The following RAI1 variants were observed in gnomAD, a reference collection of about 807,000 sequenced individuals.
RAI1 encodes retinoic acid induced 1.
Under a neutral mutation model 123.8 loss-of-function variants are expected in RAI1, and 9 were observed. The observed-to-expected ratio is 0.07, with a 90% CI of 0.04 to 0.13. The LOEUF is 0.13. Ranked by LOEUF, RAI1 falls within the 10% of genes least tolerant of loss-of-function variation. The probability of loss-of-function intolerance (pLI) is 1.00; values close to 1 mark genes in which losing one functional copy is unlikely to be tolerated. For missense variants in RAI1, 2,256 were observed against 2,545.8 expected, an observed-to-expected ratio of 0.89 and a Z score of 2.45; for synonymous variants, 1,231 against 1,127.3, an observed-to-expected ratio of 1.09 and a Z score of -1.84.
At chr17:17,694,925 C>G (rs1013492512) in intron 1 of RAI1, among the ~76,000 whole-genome samples, 1 of 152,022 alleles carries the variant, frequency 6.6e-6, no homozygotes, top group Non-Finnish European at 1.5e-5. Flanking sequence ...CCGGCGCTTG[C>G]GGGTTACCGG....
chr17:17,799,898 C>T lies in RAI1; in HGVS notation c.5565+1385C>T, dbSNP rs918409275. Reference sequence around the variant, plus strand: ...GCATTGCCTGGCCAAACCAAGGTCCCGGTGGGGGCCCACTGTGTTTGCCAC... The same window carrying T: ...GCATTGCCTGGCCAAACCAAGGTCCTGGTGGGGGCCCACTGTGTTTGCCAC... On this transcript the variant is annotated intron_variant, in intron 3 of 5. Transcript: ENST00000353383. This position sits in a 1 kb window ranked among gnomAD's most constrained non-coding sequence, Gnocchi z 4.5. Among the ~76,000 whole-genome samples the T allele has an allele frequency of 2.0e-5, 3 of 152,232 alleles. No individual in the cohort carries two copies. Among genetic ancestry groups the T allele is most frequent in the Admixed American group, 6.5e-5 (1 of 15,290 alleles).
rs554678182 is a variant in RAI1 at position 17,779,005 on chromosome 17, A to T, written c.-16-13928A>T. 1.9e-3 allele frequency: 804 copies of T among 418,164 alleles called. 14 individuals are homozygous for T. The highest frequency in any genetic ancestry group is 0.012 in the Middle Eastern group (36 of 2,882). The allele number at this position is 418,164 out of a possible 1,614,324, so 25.9% of individuals were successfully genotyped here. On this transcript the variant is annotated intron_variant, in intron 2 of 5. Transcript: ENST00000353383. ...CTGTTCACTCTGGGAGAAAAACAAG[A>T]GTGTTGTTCAAAACAGCTGGACGCC...
At chr17:17,741,089 G>GCACACA (rs1443643563) in intron 2 of RAI1, among the ~76,000 whole-genome samples, 3 of 149,460 alleles carry the variant, frequency 2.0e-5, no homozygotes, top group African/African-American at 7.5e-5. Context: ...ACAAGCGCGC[G>GCACACA]CGCACACACA....
chr17:17,766,190 G>T (rs1274297859), intron 2 of RAI1: 4 of 152,188 alleles, frequency 2.6e-5, no homozygotes, highest in African/African-American at 7.2e-5. Flanking sequence ...AGAAACATAT[G>T]GCCTAGTTGT....
intron 2 of RAI1, among the ~76,000 whole-genome samples, chr17:17,763,870 CCAGACA>C (rs1324397474): frequency 1.3e-5 from 2 of 152,220 alleles, no homozygotes; most frequent in Non-Finnish European, 2.9e-5. Flanking sequence ...AGGTCTCTGA[CCAGACA>C]GCTGGGAAAC....
chr17:17,702,900 A>G (rs1419737459), intron 1 of RAI1, among the ~76,000 whole-genome samples: 1 of 152,186 alleles, frequency 6.6e-6, no homozygotes, highest in Non-Finnish European at 1.5e-5. Flanking sequence ...TGTGACTTCA[A>G]AGCCTGTGTT....
rs1255137811 is a variant in RAI1 at position 17,809,836 on chromosome 17, T to G, written c.5710-134T>G. 3.9e-6 allele frequency: 5 copies of G among 1,275,718 alleles called. No individual in the cohort carries two copies. Among genetic ancestry groups the G allele is most frequent in the African/African-American group, 1.5e-5 (1 of 66,304 alleles). The allele number at this position is 1,275,718 out of a possible 1,614,324, so 79.0% of individuals were successfully genotyped here. A position where few individuals can be genotyped will look rare whatever the true frequency, so the allele number is the denominator to read the frequency against. On this transcript the variant is annotated intron_variant, in intron 5 of 5. Coordinates refer to ENST00000353383, the MANE Select transcript of RAI1 (RefSeq NM_030665.4). The surrounding 1 kb of genome is among the most constrained non-coding windows in gnomAD (Gnocchi z 4.9). ...GCCAGAAGGGGTGGTGCCGACGGCC[T>G]CGGGCGGAGACCCCAGCCGCGCTCT...
intron 2 of RAI1, among the ~76,000 whole-genome samples, chr17:17,787,269 C>G (rs1322590463): frequency 6.6e-6 from 1 of 152,150 alleles, no homozygotes; most frequent in Non-Finnish European, 1.5e-5. Context: ...TCAGCCTGGC[C>G]TCGTGGGGGA....
chr17:17,794,049 G>A lies in RAI1; in HGVS notation c.1101G>A (p.Leu367=), dbSNP rs2143001826. ...SSTPSPLMPN[L]ENFPYSQQPL... is the part of the protein sequence containing the mutation. The stretch of plus-strand genomic sequence containing the variant: ...CACCGTCGCCGCTGATGCCAAACCT[G>A]GAGAACTTTCCCTACAGCCAGCAGC... Residue 367 remains leucine, a synonymous_variant, in exon 3 of 6, where the codon CTG becomes CTA. Coordinates refer to ENST00000353383, the MANE Select transcript of RAI1 (RefSeq NM_030665.4). 2 of 1,613,962 alleles carry A rather than the reference G, an allele frequency of 1.2e-6. No homozygotes were observed. Among genetic ancestry groups the A allele is most frequent in the Non-Finnish European group, 1.7e-6 (2 of 1,180,028 alleles).
rs1270840434 is a variant in RAI1, at chr17:17,714,894, T to A, written c.-148-9134T>A. ...TCTCCTTGTCTCGGCCTAGGAGCTT[T>A]CTTGCTCAGCTTGGGGAGAGAGGTA... On this transcript the variant is annotated intron_variant, in intron 1 of 5. Coordinates refer to ENST00000353383, the MANE Select transcript of RAI1 (RefSeq NM_030665.4). This position sits in a 1 kb window ranked among gnomAD's most constrained non-coding sequence, Gnocchi z 4.9. Among the ~76,000 whole-genome samples the A allele has an allele frequency of 6.6e-6, 1 of 152,212 alleles. No homozygotes were observed.
At chr17:17,773,036 C>T (rs2031214688) in intron 2 of RAI1, among the ~76,000 whole-genome samples, 1 of 110,492 alleles carries the variant, frequency 9.1e-6, no homozygotes, top group Admixed American at 1.3e-4. Flanking sequence ...GGTGTGTGTG[C>T]ATGGATGCAT....
At chr17:17,782,828 G>C (rs1370691946) in intron 2 of RAI1, among the ~76,000 whole-genome samples, 1 of 152,170 alleles carries the variant, frequency 6.6e-6, no homozygotes, top group Non-Finnish European at 1.5e-5. Flanking sequence ...AGGGCAGCAC[G>C]GGCCTTAGAT....
chr17:17,682,093 G>GGGCGAGTGT (rs1914441989), intron 1 of RAI1, among the ~76,000 whole-genome samples: 1 of 151,334 alleles, frequency 6.6e-6, no homozygotes, highest in Non-Finnish European at 1.5e-5. Context: ...GGGGCGCGAG[G>GGGCGAGTGT]GGCGAGTGTG....
rs2032093585 is a variant in RAI1, at chr17:17,793,332, C to G, written c.384C>G (p.Pro128=). The change falls in exon 3 of 6, where the codon CCC becomes CCG. Residue 128 remains proline, a synonymous_variant. Coordinates refer to ENST00000353383, the MANE Select transcript of RAI1 (RefSeq NM_030665.4). ...LQAWGAPQPP[P]PQPQPLPAGV... is the part of the protein sequence containing the mutation. ...CTTGGGGGGCCCCACAGCCACCACCCCCACAGCCGCAGCCACTACCTGCAG... is the reference window on the plus strand; with the variant it reads ...CTTGGGGGGCCCCACAGCCACCACCGCCACAGCCGCAGCCACTACCTGCAG... 1.2e-6 allele frequency: 2 copies of G among 1,612,534 alleles called. No individual in the cohort carries two copies. Among genetic ancestry groups the G allele is most frequent in the Non-Finnish European group, 1.7e-6 (2 of 1,179,792 alleles).
chr17:17,699,633 G>C (rs921448091), intron 1 of RAI1, among the ~76,000 whole-genome samples: 30 of 150,554 alleles, frequency 2.0e-4, no homozygotes, highest in African/African-American at 2.9e-4. Flanking sequence ...GGGGGCCGGG[G>C]GGGGGGGAAT....
chr17:17,728,974 G>C (rs542146418), intron 2 of RAI1, among the ~76,000 whole-genome samples: 1 of 152,302 alleles, frequency 6.6e-6, no homozygotes, highest in South Asian at 2.1e-4. Flanking sequence ...TCCTTGCTGA[G>C]GTCCGAGCAG....
intron 2 of RAI1, among the ~76,000 whole-genome samples, chr17:17,763,196 G>C (rs1490952013): frequency 6.6e-6 from 1 of 152,208 alleles, no homozygotes; most frequent in Non-Finnish European, 1.5e-5. Flanking sequence ...AGTAGAGAAG[G>C]GGGACAGGTT....
intron 2 of RAI1, among the ~76,000 whole-genome samples, chr17:17,754,491 C>T (rs1374765658): frequency 6.6e-6 from 1 of 152,176 alleles, no homozygotes; most frequent in Admixed American, 6.5e-5. Flanking sequence ...CTGCCTCGGC[C>T]TCCCAAAGTG....
At chr17:17,720,390 G>C (rs1050792992) in intron 1 of RAI1, among the ~76,000 whole-genome samples, 1 of 152,178 alleles carries the variant, frequency 6.6e-6, no homozygotes, top group Non-Finnish European at 1.5e-5. Context: ...CCCTGGGGCA[G>C]ACTCTTGGTG....
Sources: allele counts gnomAD v4.1 joint callset (sites outside exome capture counted in the v4.1 genomes callset), GRCh38; gene constraint gnomAD v4.1.1; non-coding constraint Gnocchi (gnomAD v3.1); transcripts MANE v1.5; gene names NCBI Gene and HGNC (gene_info 2026-07-23, HGNC 2026-07-21).